The following SCN8A variants were observed in gnomAD, a reference collection of about 807,000 sequenced individuals.
The protein encoded by SCN8A is sodium channel protein type 8 subunit alpha.
In SCN8A, 30 loss-of-function variants were observed where a neutral mutation model predicts 184.1. The observed-to-expected ratio is 0.16, with a 90% CI of 0.12 to 0.22. The LOEUF (loss-of-function observed/expected upper bound fraction) is 0.22, where lower values mean the gene tolerates loss of function less well. SCN8A is among the 10% of genes least tolerant of loss of function. SCN8A has a pLI of 1.00. For synonymous variants in SCN8A, 852 were observed against 907.0 expected (o/e 0.94, Z 1.09); for missense variants, 1,057 against 2,498.9 (o/e 0.42, Z 12.30).
At chr12:51,725,964 T>C (rs143184066) in intron 12 of SCN8A, among the ~76,000 whole-genome samples, 14 of 152,352 alleles carry the variant, frequency 9.2e-5, no homozygotes, top group South Asian at 2.1e-4. Flanking sequence ...TAGGAGCCAC[T>C]GATAGTGCAC....
intron 1 of SCN8A, among the ~76,000 whole-genome samples, chr12:51,592,114 C>G (rs1939238230): frequency 6.9e-6 from 1 of 144,384 alleles, no homozygotes; most frequent in South Asian, 2.4e-4. Flanking sequence ...CTCTCCCTCC[C>G]CCACCTTACC....
chr12:51,724,571 T>C (rs1942126644), intron 12 of SCN8A, among the ~76,000 whole-genome samples: 1 of 152,224 alleles, frequency 6.6e-6, no homozygotes, highest in Non-Finnish European at 1.5e-5. Flanking sequence ...ATTCTGCGAA[T>C]AGGGATAAAT....
intron 26 of SCN8A, among the ~76,000 whole-genome samples, chr12:51,795,348 A>G (rs960672382): frequency 6.6e-6 from 1 of 152,194 alleles, no homozygotes; most frequent in Non-Finnish European, 1.5e-5. Flanking sequence ...GCAGAAGGAA[A>G]TGCCACCCTG....
Position 51,664,065 on chromosome 12 carries a change from T to C in SCN8A, c.276+972T>C, listed in dbSNP as rs533222294. Among the ~76,000 whole-genome samples the C allele has an allele frequency of 1.7e-4, 26 of 150,960 alleles. 2 individuals are homozygous for C. The East Asian group carries it at 5.1e-3, about 30-fold the overall frequency. On this transcript the variant is annotated intron_variant, in intron 2 of 26. Coordinates refer to ENST00000627620, the MANE Select transcript of SCN8A (RefSeq NM_001330260.2). ...GCTGGGACTACAGGCTCAGAGCAGC[T>C]ACGTAATAGAAAAAAGTGGAACCAT... is the stretch of plus-strand genomic sequence containing the variant.
At chr12:51,712,855 C>T in intron 11 of SCN8A, 1 of 1,413,726 alleles carries the variant, frequency 7.1e-7, no homozygotes, top group Non-Finnish European at 1.0e-6. Context: ...ACCACCTCCA[C>T]CACCATAGCC....
At chr12:51,607,382 T>C (rs766564597) in intron 1 of SCN8A, among the ~76,000 whole-genome samples, 27 of 152,308 alleles carry the variant, frequency 1.8e-4, no homozygotes, top group Middle Eastern at 3.4e-3. Flanking sequence ...ATAGTGACAG[T>C]TTCACTTCCT....
chr12:51,654,339 T>A (rs1274084111), intron 1 of SCN8A, among the ~76,000 whole-genome samples: 2 of 152,222 alleles, frequency 1.3e-5, no homozygotes, highest in African/African-American at 4.8e-5. Flanking sequence ...GACATTTAGG[T>A]CTTTGATCCA....
chr12:51,606,914 T>C (rs1939607151), intron 1 of SCN8A, among the ~76,000 whole-genome samples: 3 of 151,822 alleles, frequency 2.0e-5, no homozygotes, highest in South Asian at 4.1e-4. Flanking sequence ...ATTTTTTTTT[T>C]TGAGACAGAG....
rs1258845474 is a variant in SCN8A, at chr12:51,757,176, G to A, written c.2371-5327G>A. ...CAGTTTTAAAACTGGGACAGTCCTT[G>A]TCAACAGGTACGAGTTGATCACCCT... On this transcript the variant is annotated intron_variant, in intron 14 of 26. Transcript: ENST00000627620. 2.6e-5 allele frequency among the ~76,000 whole-genome samples: 4 copies of A among 152,212 alleles called. No individual in the cohort carries two copies. In the East Asian group the frequency reaches 7.7e-4, roughly 29 times the overall value.
chr12:51,594,730 T>A (rs1454682278), intron 1 of SCN8A, among the ~76,000 whole-genome samples: 1 of 152,186 alleles, frequency 6.6e-6, no homozygotes, highest in Non-Finnish European at 1.5e-5. Context: ...TTACCATCCT[T>A]ACCATCTTTG....
chr12:51,682,408 C>A (rs1188367107), intron 2 of SCN8A, among the ~76,000 whole-genome samples: 3 of 152,146 alleles, frequency 2.0e-5, no homozygotes, highest in Non-Finnish European at 4.4e-5. Flanking sequence ...TGGTAGAATT[C>A]ATCAGCAAAA....
intron 12 of SCN8A, among the ~76,000 whole-genome samples, chr12:51,733,885 A>C (rs891989367): frequency 6.6e-6 from 1 of 152,136 alleles, no homozygotes; most frequent in Non-Finnish European, 1.5e-5. Context: ...CACTAATGCT[A>C]CTTTGAATTT....
Position 51,678,262 on chromosome 12 carries a change from G to A in SCN8A, c.277-5912G>A, listed in dbSNP as rs142861157. On this transcript the variant is annotated intron_variant, in intron 2 of 26. Transcript: ENST00000627620. ...AGTGCAGGGAAAAGCATTGTGTGAC[G>A]CAGTTCTGCCTTGGGGCTGCTCTAT... is the stretch of plus-strand genomic sequence containing the variant. Among the ~76,000 whole-genome samples the A allele has an allele frequency of 7.7e-3, 1,173 of 152,290 alleles. 6 individuals are homozygous for A. The highest frequency in any genetic ancestry group is 0.014 in the Middle Eastern group (4 of 294).
intron 1 of SCN8A, among the ~76,000 whole-genome samples, chr12:51,625,190 A>G (rs1256963527): frequency 6.6e-6 from 1 of 152,220 alleles, no homozygotes; most frequent in East Asian, 1.9e-4. Flanking sequence ...CCTGTAGTCA[A>G]ACACCTTCCA....
intron 21 of SCN8A, among the ~76,000 whole-genome samples, chr12:51,784,410 C>T (rs1938017622): frequency 1.3e-5 from 2 of 152,038 alleles, no homozygotes; most frequent in South Asian, 2.1e-4. Flanking sequence ...CAAAAATTAG[C>T]TGGGCACGGT....
chr12:51,620,595 C>G (rs1565862073), intron 1 of SCN8A, among the ~76,000 whole-genome samples: 2 of 151,878 alleles, frequency 1.3e-5, no homozygotes, highest in Admixed American at 6.6e-5. Context: ...GAAGGCTGTG[C>G]ACTTAATAGA....
chr12:51,781,857 A>G (rs1223864696), intron 21 of SCN8A, among the ~76,000 whole-genome samples: 4 of 152,220 alleles, frequency 2.6e-5, no homozygotes, highest in Admixed American at 2.6e-4. Context: ...AAACGTCAGA[A>G]TGTAAGAATA....
intron 12 of SCN8A, among the ~76,000 whole-genome samples, chr12:51,744,641 C>A (rs981146583): frequency 3.5e-5 from 5 of 141,726 alleles, no homozygotes; most frequent in African/African-American, 1.4e-4. Flanking sequence ...GAGATGAGGT[C>A]TCTATGTTGC....
At chr12:51,729,287 CCAT>C in intron 12 of SCN8A, among the ~76,000 whole-genome samples, 1 of 152,232 alleles carries the variant, frequency 6.6e-6, no homozygotes, top group East Asian at 1.9e-4. Flanking sequence ...TTCCCTAAAC[CCAT>C]CATTACCATA....
Sources: allele counts gnomAD v4.1 joint callset (sites outside exome capture counted in the v4.1 genomes callset), GRCh38; gene constraint gnomAD v4.1.1; transcripts MANE v1.5; gene names NCBI Gene and HGNC (gene_info 2026-07-23, HGNC 2026-07-21).